CTDSP1: variants seen among roughly 807,000 people sequenced by gnomAD.
The protein encoded by CTDSP1 is carboxy-terminal domain RNA polymerase II polypeptide A small phosphatase 1.
In CTDSP1, 15 loss-of-function variants were observed where a neutral mutation model predicts 32.5. That is an observed-to-expected ratio of 0.46 (90% CI 0.31 to 0.71). The LOEUF (loss-of-function observed/expected upper bound fraction) is 0.71. CTDSP1 is among the 30% of genes least tolerant of loss of function. CTDSP1 has a pLI of 0.05. For synonymous variants in CTDSP1, 185 were observed against 145.4 expected, an observed-to-expected ratio of 1.27 and a Z score of -1.96; for missense variants, 294 against 351.1, an observed-to-expected ratio of 0.84 and a Z score of 1.30.
rs1188259050 is a variant in CTDSP1 at position 218,400,862 on chromosome 2, C to T, written c.68-702C>T. 8.8e-6 allele frequency: 4 copies of T among 456,346 alleles called. No homozygotes were observed. In the East Asian group the frequency reaches 2.8e-4, roughly 32 times the overall value. 28.3% of individuals were successfully genotyped at this position (456,346 alleles called of 1,614,324 possible). On this transcript the variant is annotated intron_variant, in intron 1 of 6. Transcript: ENST00000273062. ...TGGGGGGGTCTGTCTTCTCCTTTTCCCCGTGTGGACCTCAGGATCTGGACG... is the reference window on the plus strand; with the variant it reads ...TGGGGGGGTCTGTCTTCTCCTTTTCTCCGTGTGGACCTCAGGATCTGGACG...
At chr2:218,398,569 C>A (rs907797789), upstream of CTDSP1, 13 of 888,226 alleles carry the variant, frequency 1.5e-5, no homozygotes, top group African/African-American at 2.3e-4. Flanking sequence ...GCTCCCCTCC[C>A]TTCCCCTCCC....
At position 218,405,767 on chromosome 2, in the gene CTDSP1, A is replaced by C. The variant is rs1553529229; in HGVS notation, c.*1342A>C. The C allele has an allele frequency of 6.5e-6, 1 of 152,802 alleles. No homozygotes were observed. The highest frequency in any genetic ancestry group is 1.5e-5 in the Non-Finnish European group (1 of 68,098). The allele number at this position is 152,802 out of a possible 1,614,324, so 9.5% of individuals were successfully genotyped here. A position where few individuals can be genotyped will look rare whatever the true frequency, so the allele number is the denominator to read the frequency against. On this transcript the variant is annotated 3_prime_UTR_variant, in exon 7 of 7. Transcript: ENST00000273062. The stretch of plus-strand genomic sequence containing the variant: ...GGGTCTAACGGTTAAGGGGACCCAC[A>C]TACCAGTGCCAAGGGGGATGTCAAG...
chr2:218,405,836 G>A lies in CTDSP1; in HGVS notation c.*1411G>A, dbSNP rs1697380320. On this transcript the variant is annotated 3_prime_UTR_variant, in exon 7 of 7. Transcript: ENST00000273062. Reference sequence around the variant, plus strand: ...CCCCTCCCCCAGAGCGGGTGGGCGGGGGGTGAATATGGTTGGCCTGCATCA... The same window carrying A: ...CCCCTCCCCCAGAGCGGGTGGGCGGAGGGTGAATATGGTTGGCCTGCATCA... 1 of 153,268 alleles carries A rather than the reference G, an allele frequency of 6.5e-6. No individual in the cohort carries two copies. The allele number at this position is 153,268 out of a possible 1,614,324, so 9.5% of individuals were successfully genotyped here.
upstream of CTDSP1, chr2:218,399,808 A>C (rs991106384): frequency 8.8e-7 from 1 of 1,139,264 alleles, no homozygotes; most frequent in African/African-American, 1.6e-5. Flanking sequence ...AGTCCAGGTC[A>C]CGCCGAAGCC....
intron 1 of CTDSP1, 151 bp downstream of exon 1, chr2:218,400,308 G>A (rs1402631771): frequency 2.5e-6 from 2 of 787,226 alleles, no homozygotes; most frequent in South Asian, 1.5e-5. Flanking sequence ...CAGGGAGAGA[G>A]TTTGAACTCA....
At position 218,405,160 on chromosome 2, in the gene CTDSP1, C is replaced by T. The variant is rs1022034392; in HGVS notation, c.*735C>T. ...AGCGTGGGGGCATAGGCAGGACCCC[C>T]CTTGTGGTGCCATATAAATATGTAC... On this transcript the variant is annotated 3_prime_UTR_variant, in exon 7 of 7. Coordinates refer to ENST00000273062, the MANE Select transcript of CTDSP1 (RefSeq NM_021198.3). 1 of 152,788 alleles carries T rather than the reference C, an allele frequency of 6.5e-6. No homozygotes were observed. The highest frequency in any genetic ancestry group is 1.9e-4 in the East Asian group (1 of 5,294). The allele number at this position is 152,788 out of a possible 1,614,324, so 9.5% of individuals were successfully genotyped here. A position where few individuals can be genotyped will look rare whatever the true frequency, so the allele number is the denominator to read the frequency against.
Position 218,402,179 on chromosome 2 carries a change from C to T in CTDSP1, c.285C>T (p.Ile95=), listed in dbSNP as rs750477899. The change falls in exon 3 of 7, where the codon ATC becomes ATT. Residue 95 remains isoleucine (I), a synonymous_variant. Transcript: ENST00000273062. ...ACTCAGACAAGATCTGCGTGGTCAT[C>T]GACCTGGACGAGACCCTGGTGCACA... is the stretch of plus-strand genomic sequence containing the variant. ...AQDSDKICVV[I]DLDETLVHSS... 13 of 1,613,606 alleles carry T rather than the reference C, an allele frequency of 8.1e-6. No individual in the cohort carries two copies. The highest frequency in any genetic ancestry group is 8.0e-5 in the African/African-American group (6 of 74,924).
chr2:218,404,626 G>A lies in CTDSP1; in HGVS notation c.*201G>A, dbSNP rs551780824. 2.0e-4 allele frequency: 119 copies of A among 589,220 alleles called. No homozygotes were observed. The highest frequency in any genetic ancestry group is 1.6e-3 in the African/African-American group (88 of 53,382). 36.5% of individuals were successfully genotyped at this position (589,220 alleles called of 1,614,324 possible). ...CTGAGGACCGTGAGCTCCAGGCCCC[G>A]TGTCAGTGCCTTCAAACCTCCTCCC... On this transcript the variant is annotated 3_prime_UTR_variant, in exon 7 of 7. Coordinates refer to ENST00000273062, the MANE Select transcript of CTDSP1 (RefSeq NM_021198.3).
At position 218,404,562 on chromosome 2, in the gene CTDSP1, C is replaced by A. The variant is rs1384755614; in HGVS notation, c.*137C>A. The A allele has an allele frequency of 2.8e-6, 3 of 1,057,876 alleles. No homozygotes were observed. Among genetic ancestry groups the A allele is most frequent in the Non-Finnish European group, 4.1e-6 (3 of 737,458 alleles). 65.5% of individuals were successfully genotyped at this position (1,057,876 alleles called of 1,614,324 possible). Reference sequence around the variant, plus strand: ...GCCATGGGGAAGCGGGCGTCTCCCCCACCAGCCCCACCAGGCGGTGTAGGG... The same window carrying A: ...GCCATGGGGAAGCGGGCGTCTCCCCAACCAGCCCCACCAGGCGGTGTAGGG... On this transcript the variant is annotated 3_prime_UTR_variant, in exon 7 of 7. Coordinates refer to ENST00000273062, the MANE Select transcript of CTDSP1 (RefSeq NM_021198.3).
upstream of CTDSP1, chr2:218,398,151 G>A: frequency 5.8e-6 from 3 of 517,838 alleles, no homozygotes; most frequent in East Asian, 7.1e-5. Context: ...TGAGGGCCCC[G>A]CATCCGGAGA....
chr2:218,398,785 A>G, upstream of CTDSP1: 1 of 217,048 alleles, frequency 4.6e-6, no homozygotes, highest in Non-Finnish European at 9.1e-6. Context: ...AACTTACAAA[A>G]TAGTAACGAC....
chr2:218,399,821 T>TGCCC, upstream of CTDSP1: 4 of 1,175,120 alleles, frequency 3.4e-6, no homozygotes, highest in Non-Finnish European at 4.2e-6. Flanking sequence ...CCGAAGCCGT[T>TGCCC]GCCCTTTTAA....
At position 218,404,455 on chromosome 2, in the gene CTDSP1, G is replaced by A. The variant is rs1697312054; in HGVS notation, c.*30G>A. Reference sequence around the variant, plus strand: ...GGTGATGGGGCCAGGACCTGCCCCTGACCAATGATACCCACACCTCCTCCC... The same window carrying A: ...GGTGATGGGGCCAGGACCTGCCCCTAACCAATGATACCCACACCTCCTCCC... On this transcript the variant is annotated 3_prime_UTR_variant, in exon 7 of 7. Transcript: ENST00000273062. 5 of 1,612,146 alleles carry A rather than the reference G, an allele frequency of 3.1e-6. No individual in the cohort carries two copies. The African/African-American group carries it at 6.7e-5, about 22-fold the overall frequency.
At chr2:218,400,942 C>G (rs2106360547) in intron 1 of CTDSP1, 1 of 406,452 alleles carries the variant, frequency 2.5e-6, no homozygotes, top group South Asian at 1.6e-5. Flanking sequence ...GAACTGAGGG[C>G]AAGGTGGAAA....
At chr2:218,401,274 T>A in intron 1 of CTDSP1, 1 of 495,124 alleles carries the variant, frequency 2.0e-6, no homozygotes, top group Admixed American at 3.4e-5. Context: ...ATGGAGGCTG[T>A]GAGAGGCAGG....
At chr2:218,400,688 A>AC (rs35235064) in intron 1 of CTDSP1, 1 of 452,852 alleles carries the variant, frequency 2.2e-6, no homozygotes, top group Non-Finnish European at 4.4e-6. Context: ...GGAGGCGCCG[A>AC]CCCCCTCGGA....
upstream of CTDSP1, chr2:218,399,695 G>A (rs972192585): frequency 1.0e-6 from 1 of 980,510 alleles, no homozygotes; most frequent in Non-Finnish European, 1.2e-6. Flanking sequence ...GCGGGCGGCA[G>A]GAAGGGAGGC....
Position 218,404,491 on chromosome 2 carries a change from C to T in CTDSP1, c.*66C>T, listed in dbSNP as rs1697313591. 18 of 1,583,462 alleles carry T rather than the reference C, an allele frequency of 1.1e-5. No homozygotes were observed. Among genetic ancestry groups the T allele is most frequent in the Non-Finnish European group, 1.4e-5 (16 of 1,161,300 alleles). ...CCCACACCTCCTCCCAGGAAGACTGCCCAGGCCTTTGTTAGGAAAACCCAT... is the reference window on the plus strand; with the variant it reads ...CCCACACCTCCTCCCAGGAAGACTGTCCAGGCCTTTGTTAGGAAAACCCAT... On this transcript the variant is annotated 3_prime_UTR_variant, in exon 7 of 7. Transcript: ENST00000273062.
intron 4 of CTDSP1, 116 bp from the exon 5 acceptor site, chr2:218,402,918 TG>T: frequency 1.3e-6 from 1 of 757,708 alleles, no homozygotes; most frequent in Non-Finnish European, 2.3e-6. Context: ...AAGCGGAGCC[TG>T]CGGGCCCAGT....
Sources: gnomAD v4.1 joint callset for allele counts on GRCh38, gnomAD v4.1.1 for gene constraint, MANE v1.5 for transcripts, NCBI Gene and HGNC (gene_info 2026-07-23, HGNC 2026-07-21) for gene names.